NSUN6: variants seen among roughly 807,000 people sequenced by gnomAD.
The protein encoded by NSUN6 is tRNA (cytosine(72)-C(5))-methyltransferase NSUN6.
In NSUN6, 64 loss-of-function variants were observed where a neutral mutation model predicts 58.0. The ratio of observed to expected loss-of-function variants is 1.10; its 90% CI spans 0.90 to 1.36. The LOEUF is 1.36. Ranked by LOEUF, NSUN6 falls within the 40% of genes most tolerant of loss-of-function variation. NSUN6 has a pLI of 0.00. For missense variants in NSUN6, 701 were observed against 550.1 expected (o/e 1.27, Z -2.74); for synonymous variants, 231 against 193.9 (o/e 1.19, Z -1.59).
chr10:18,555,478 G>T (rs2133448829), intron 8 of NSUN6, among the ~76,000 whole-genome samples: 1 of 151,000 alleles, frequency 6.6e-6, no homozygotes, highest in South Asian at 2.1e-4. Flanking sequence ...GAATGCAGTG[G>T]TGAATAGAAT....
chr10:18,574,376 T>C (rs776992041), intron 8 of NSUN6, among the ~76,000 whole-genome samples: 1 of 152,052 alleles, frequency 6.6e-6, no homozygotes, highest in Non-Finnish European at 1.5e-5. Context: ...TGATTTAACA[T>C]AGACCACCGA....
chr10:18,616,796 A>C (rs1029061611), intron 3 of NSUN6, among the ~76,000 whole-genome samples: 7 of 152,088 alleles, frequency 4.6e-5, no homozygotes, highest in Non-Finnish European at 8.8e-5. Flanking sequence ...AGACCACTAA[A>C]ATCTGTATTA....
chr10:18,585,789 T>C (rs1056036132), intron 8 of NSUN6, among the ~76,000 whole-genome samples, 160 bp downstream of exon 8: 1 of 70,658 alleles, frequency 1.4e-5, no homozygotes, highest in African/African-American at 5.6e-5. Flanking sequence ...GAGAGTAAAT[T>C]TCAAATTACC....
At chr10:18,657,824 G>C (rs755027248), upstream of NSUN6, among the ~76,000 whole-genome samples, 30 of 151,928 alleles carry the variant, frequency 2.0e-4, no homozygotes, top group Non-Finnish European at 3.4e-4. Context: ...ATGTTGGCCA[G>C]GATGGTCTCC....
intron 4 of NSUN6, among the ~76,000 whole-genome samples, chr10:18,615,116 T>C (rs942993726): frequency 4.7e-5 from 7 of 149,242 alleles, no homozygotes; most frequent in African/African-American, 1.7e-4. Context: ...CATATATATA[T>C]ATATATATAT....
At chr10:18,655,349 C>G (rs1443120589), upstream of NSUN6, among the ~76,000 whole-genome samples, 1 of 152,206 alleles carries the variant, frequency 6.6e-6, no homozygotes, top group African/African-American at 2.4e-5. Context: ...CTTTTCACTT[C>G]AGTTTCTTCA....
intron 8 of NSUN6, among the ~76,000 whole-genome samples, chr10:18,554,985 G>C (rs1286425581): frequency 1.3e-5 from 2 of 151,402 alleles, no homozygotes; most frequent in African/African-American, 2.4e-5. Context: ...CACTGGAATG[G>C]AAAATGTAAT....
upstream of NSUN6, among the ~76,000 whole-genome samples, chr10:18,657,175 C>A (rs1000301733): frequency 6.6e-6 from 1 of 152,128 alleles, no homozygotes; most frequent in Non-Finnish European, 1.5e-5. Flanking sequence ...GGTACATCAG[C>A]ATGATATCTG....
At chr10:18,577,327 C>A (rs1256960513) in intron 8 of NSUN6, among the ~76,000 whole-genome samples, 1 of 152,154 alleles carries the variant, frequency 6.6e-6, no homozygotes, top group Non-Finnish European at 1.5e-5. Context: ...AATGAGTTAG[C>A]CAACAACTCA....
Position 18,585,989 on chromosome 10 carries a change from T to G in NSUN6, c.882A>C (p.Gly294=). 6.2e-7 allele frequency: 1 copy of G among 1,611,092 alleles called. No homozygotes were observed. The highest frequency in any genetic ancestry group is 8.5e-7 in the Non-Finnish European group (1 of 1,179,316). Residue 294 remains glycine, a synonymous_variant, in exon 8 of 11, where the codon GGA becomes GGC. Transcript: ENST00000377304. ...CCATATCAAGTTTAACCGCCTTTGT[T>G]CCATCAAAACAAAATGCCCTGATGG... ...LNSIRAFCFD[G]TKAVKLDMVE...
chr10:18,628,357 T>G (rs1366466439), intron 3 of NSUN6, among the ~76,000 whole-genome samples: 2 of 152,070 alleles, frequency 1.3e-5, no homozygotes, highest in Non-Finnish European at 2.9e-5. Context: ...CCTCTCCTCC[T>G]CCAAAGGAAT....
At chr10:18,650,901 T>G (rs1203804922) in intron 1 of NSUN6, among the ~76,000 whole-genome samples, 1 of 152,226 alleles carries the variant, frequency 6.6e-6, no homozygotes, top group Non-Finnish European at 1.5e-5. Context: ...GCACATGCCT[T>G]TTTTCCCTTC....
At chr10:18,612,603 T>C (rs1037151594) in intron 5 of NSUN6, among the ~76,000 whole-genome samples, 3 of 152,220 alleles carry the variant, frequency 2.0e-5, no homozygotes, top group African/African-American at 4.8e-5. Flanking sequence ...AAAATGTTCA[T>C]GCCTGTCTTC....
chr10:18,624,005 AAATAATTC>A (rs1340348953), intron 3 of NSUN6, among the ~76,000 whole-genome samples: 8 of 152,174 alleles, frequency 5.3e-5, no homozygotes, highest in African/African-American at 1.9e-4. Context: ...TGATAAGCAG[AAATAATTC>A]ATTCTGCATT....
chr10:18,603,985 C>T (rs1290529435), intron 6 of NSUN6, among the ~76,000 whole-genome samples: 1 of 151,920 alleles, frequency 6.6e-6, no homozygotes, highest in African/African-American at 2.4e-5. Context: ...AGATCGAGAC[C>T]ATCCTGGCCA....
intron 6 of NSUN6, among the ~76,000 whole-genome samples, chr10:18,604,747 G>A (rs149650512): frequency 6.6e-6 from 1 of 151,862 alleles, no homozygotes; most frequent in East Asian, 2.0e-4. Flanking sequence ...TTAACTGGGT[G>A]TAGTGACGCA....
At chr10:18,557,235 G>A (rs2055097708) in intron 8 of NSUN6, among the ~76,000 whole-genome samples, 1 of 151,496 alleles carries the variant, frequency 6.6e-6, no homozygotes, top group African/African-American at 2.4e-5. Context: ...ATGGAATGGA[G>A]AATGGAATTG....
Position 18,586,006 on chromosome 10 carries a change from C to T in NSUN6, c.865G>A (p.Ala289Thr), listed in dbSNP as rs754482398. 7.4e-6 allele frequency: 12 copies of T among 1,612,066 alleles called. No homozygotes were observed. The highest frequency in any genetic ancestry group is 1.0e-5 in the Non-Finnish European group (12 of 1,179,194). The stretch of plus-strand genomic sequence containing the variant: ...GCCTTTGTTCCATCAAAACAAAATG[C>T]CCTGATGGAATTCAGCCCTAACAAT... ...ALLLGLNSIR[A>T]FCFDGTKAVK... The change falls in exon 8 of 11, where the codon GCA becomes ACA. Residue 289 changes from alanine to threonine, a missense_variant. Physicochemically the swap from Ala to Thr is moderately conservative, Grantham distance 58. Coordinates refer to ENST00000377304, the MANE Select transcript of NSUN6 (RefSeq NM_182543.5).
chr10:18,555,558 A>AGAATG (rs1208952520), intron 8 of NSUN6, among the ~76,000 whole-genome samples: 1 of 148,440 alleles, frequency 6.7e-6, no homozygotes, highest in African/African-American at 2.5e-5. Context: ...AATGGAATAG[A>AGAATG]GAATGGAATG....
Sources: allele counts gnomAD v4.1 joint callset (sites outside exome capture counted in the v4.1 genomes callset), GRCh38; gene constraint gnomAD v4.1.1; transcripts MANE v1.5; gene names NCBI Gene and HGNC (gene_info 2026-07-23, HGNC 2026-07-21).